DDR2: variants seen among roughly 807,000 people sequenced by gnomAD.
DDR2 encodes the protein discoidin domain receptor tyrosine kinase 2.
Under a neutral mutation model 94.9 loss-of-function variants are expected in DDR2, and 27 were observed. The observed-to-expected ratio is 0.28, with a 90% CI of 0.21 to 0.39. The LOEUF (loss-of-function observed/expected upper bound fraction) is 0.39. Among genes scored for constraint, DDR2 ranks in the 10% least tolerant of loss-of-function variants. DDR2 has a pLI of 1.00. For synonymous variants in DDR2, 382 were observed against 377.2 expected (o/e 1.01, Z -0.15); for missense variants, 783 against 1,076.0 (o/e 0.73, Z 3.81).
At chr1:162,759,556 A>G (rs1663615181) in intron 7 of DDR2, among the ~76,000 whole-genome samples, 1 of 152,206 alleles carries the variant, frequency 6.6e-6, no homozygotes, top group Admixed American at 6.5e-5. Flanking sequence ...TTTTACTACT[A>G]AAGGAGTAAG....
chr1:162,676,913 CA>C (rs1659156538), intron 2 of DDR2, among the ~76,000 whole-genome samples: 1 of 152,222 alleles, frequency 6.6e-6, no homozygotes, highest in Non-Finnish European at 1.5e-5. Flanking sequence ...TGTGATGCCC[CA>C]TGCTCAGTTT....
chr1:162,703,021 C>G (rs1035483031), intron 2 of DDR2, among the ~76,000 whole-genome samples: 3 of 152,140 alleles, frequency 2.0e-5, no homozygotes, highest in African/African-American at 7.2e-5. Flanking sequence ...ATGAATATTT[C>G]AAGCCATCCT....
chr1:162,689,841 TTAAAAAAAAAA>T (rs1222180121), intron 2 of DDR2, among the ~76,000 whole-genome samples: 21 of 14,684 alleles, frequency 1.4e-3, no homozygotes, highest in African/African-American at 2.2e-3. Flanking sequence ...CCATCTCTAC[TTAAAAAAAAAA>T]AAAAAAAAAA....
intron 1 of DDR2, among the ~76,000 whole-genome samples, chr1:162,646,934 T>C (rs1241382170): frequency 6.6e-6 from 1 of 152,208 alleles, no homozygotes; most frequent in African/African-American, 2.4e-5. Flanking sequence ...TCAAGAACCA[T>C]GACTTTTGAA....
Position 162,772,028 on chromosome 1 carries a change from C to T in DDR2, c.1509C>T (p.Cys503=), listed in dbSNP as rs144293078. 1.7e-3 allele frequency: 2,720 copies of T among 1,604,660 alleles called. 6 individuals are homozygous for T. The highest frequency in any genetic ancestry group is 2.0e-3 in the Non-Finnish European group (2,332 of 1,175,786). The change falls in exon 13 of 18, where the codon TGC becomes TGT. Residue 503 remains cysteine, a synonymous_variant. Coordinates refer to ENST00000367921, the MANE Select transcript of DDR2 (RefSeq NM_006182.4). ...TCGTTGCCCTTGTCTTCCCAGGCTGCAGCGGTGTTGTGAAGCCAGTCCAGC... is the reference window on the plus strand; with the variant it reads ...TCGTTGCCCTTGTCTTCCCAGGCTGTAGCGGTGTTGTGAAGCCAGTCCAGC... ...EFAPGEEESG[C]SGVVKPVQPS...
At chr1:162,741,250 AATGTAATG>A (rs1255252159) in intron 3 of DDR2, among the ~76,000 whole-genome samples, 1,968 of 93,870 alleles carry the variant, frequency 0.021, 34 homozygotes, top group African/African-American at 0.048. Context: ...AATATAGTAT[AATGTAATG>A]TAATGTAATA....
At chr1:162,661,661 G>A (rs1451899450) in intron 2 of DDR2, among the ~76,000 whole-genome samples, 3 of 152,214 alleles carry the variant, frequency 2.0e-5, no homozygotes, top group African/African-American at 4.8e-5. Context: ...CAGTGAAGCC[G>A]GAGGTTGTAG....
intron 2 of DDR2, among the ~76,000 whole-genome samples, chr1:162,717,043 G>C (rs1309132702): frequency 6.6e-6 from 1 of 151,500 alleles, no homozygotes. Flanking sequence ...TTGTATTCTA[G>C]AACAGTTTTT....
At chr1:162,678,322 G>A (rs756895905) in intron 2 of DDR2, among the ~76,000 whole-genome samples, 3 of 152,154 alleles carry the variant, frequency 2.0e-5, no homozygotes, top group South Asian at 2.1e-4. Context: ...TAAAGTTACC[G>A]TGAAGATTAA....
chr1:162,632,802 T>A lies in DDR2; in HGVS notation c.-192+171T>A, dbSNP rs1402651917. On this transcript the variant is annotated intron_variant, in intron 1 of 17. Coordinates refer to ENST00000367921, the MANE Select transcript of DDR2 (RefSeq NM_006182.4). ...GGCACCACAGACTCGAGAAATCAGA[T>A]CCCATGTTTTTGGGGGTCTGGATTT... 1.3e-5 allele frequency among the ~76,000 whole-genome samples: 2 copies of A among 152,144 alleles called. 1 individual carries two copies. The highest frequency in any genetic ancestry group is 3.8e-4 in the East Asian group (2 of 5,200).
At chr1:162,749,205 A>G (rs1026441137) in intron 3 of DDR2, among the ~76,000 whole-genome samples, 23 of 152,166 alleles carry the variant, frequency 1.5e-4, no homozygotes, top group African/African-American at 5.3e-4. Flanking sequence ...CAAAAAATCA[A>G]TGAATCCAGG....
chr1:162,775,188 G>C (rs950619043), intron 14 of DDR2, among the ~76,000 whole-genome samples: 1 of 151,394 alleles, frequency 6.6e-6, no homozygotes, highest in South Asian at 2.1e-4. Context: ...AGAGTAATCA[G>C]ATAAGCCAAA....
At chr1:162,736,268 A>G (rs911513157) in intron 3 of DDR2, among the ~76,000 whole-genome samples, 1 of 152,236 alleles carries the variant, frequency 6.6e-6, no homozygotes, top group East Asian at 1.9e-4. Context: ...TGGCTTTGGG[A>G]ATCACTGCCT....
chr1:162,749,101 G>C (rs1249278451), intron 3 of DDR2, among the ~76,000 whole-genome samples: 1 of 151,028 alleles, frequency 6.6e-6, no homozygotes, highest in Non-Finnish European at 1.5e-5. Flanking sequence ...AAGAACTAGA[G>C]AAGCAAGAGC....
chr1:162,781,333 C>A lies in DDR2; in HGVS notation c.*1087C>A, dbSNP rs1196959143. On this transcript the variant is annotated 3_prime_UTR_variant, in exon 18 of 18. Coordinates refer to ENST00000367921, the MANE Select transcript of DDR2 (RefSeq NM_006182.4). The stretch of plus-strand genomic sequence containing the variant: ...AGGGAATAGATCTGTTCTGAGTGTC[C>A]CCAAAAAAGTTGTCCTAGGAACTGA... The A allele has an allele frequency of 6.6e-6, 1 of 151,950 alleles. No individual in the cohort carries two copies. Among genetic ancestry groups the A allele is most frequent in the Non-Finnish European group, 1.5e-5 (1 of 67,986 alleles). The allele number at this position is 151,950 out of a possible 1,614,324, so 9.4% of individuals were successfully genotyped here. A position where few individuals can be genotyped will look rare whatever the true frequency, so the allele number is the denominator to read the frequency against.
Position 162,784,221 on chromosome 1 carries a change from G to A in DDR2, c.*3975G>A, listed in dbSNP as rs1320381138. The A allele has an allele frequency of 6.5e-6, 1 of 152,838 alleles. No homozygotes were observed. Among genetic ancestry groups the A allele is most frequent in the African/African-American group, 2.4e-5 (1 of 41,406 alleles). The allele number at this position is 152,838 out of a possible 1,614,324, so 9.5% of individuals were successfully genotyped here. The stretch of plus-strand genomic sequence containing the variant: ...TAAAGGAGAATAGAAGAAGGGGAGT[G>A]TCCGCAAAATGGAAAGAGATGAAGA... On this transcript the variant is annotated 3_prime_UTR_variant, in exon 18 of 18. Coordinates refer to ENST00000367921, the MANE Select transcript of DDR2 (RefSeq NM_006182.4).
At position 162,785,435 on chromosome 1, in the gene DDR2, T is replaced by C. The variant is rs1421907886; in HGVS notation, c.*5189T>C. The C allele has an allele frequency of 6.6e-6, 1 of 152,246 alleles. No homozygotes were observed. The highest frequency in any genetic ancestry group is 2.4e-5 in the African/African-American group (1 of 41,462). The allele number at this position is 152,246 out of a possible 1,614,324, so 9.4% of individuals were successfully genotyped here. The stretch of plus-strand genomic sequence containing the variant: ...ATTTGCCTAAATAGCCGTTATTAAA[T>C]GGAATAACAACCACATTAGACCAAA... On this transcript the variant is annotated 3_prime_UTR_variant, in exon 18 of 18. Transcript: ENST00000367921.
intron 3 of DDR2, among the ~76,000 whole-genome samples, chr1:162,752,390 CT>C (rs1285757891): frequency 1.1e-4 from 16 of 152,328 alleles, no homozygotes; most frequent in African/African-American, 3.6e-4. Flanking sequence ...TAGGGGTCAA[CT>C]TTTTTGTTTC....
intron 2 of DDR2, among the ~76,000 whole-genome samples, chr1:162,685,127 C>A (rs1659626030): frequency 6.6e-6 from 1 of 152,024 alleles, no homozygotes; most frequent in South Asian, 2.1e-4. Context: ...TATTGGGTGC[C>A]TTGGTTTGCT....
Sources: allele counts gnomAD v4.1 joint callset (sites outside exome capture counted in the v4.1 genomes callset), GRCh38; gene constraint gnomAD v4.1.1; transcripts MANE v1.5; gene names NCBI Gene and HGNC (gene_info 2026-07-23, HGNC 2026-07-21).